Variants in CD6 observed in about 807,000 individuals in gnomAD.
The protein encoded by CD6 is T-cell differentiation antigen CD6.
Under a neutral mutation model 75.3 loss-of-function variants are expected in CD6, and 53 were observed. The observed-to-expected ratio is 0.70, with a 90% CI of 0.56 to 0.88. The LOEUF is 0.88. CD6 is among the 40% of genes least tolerant of loss of function. The pLI, the probability that CD6 is intolerant of heterozygous loss-of-function variation, is 0.00. For missense variants in CD6, 770 were observed against 897.1 expected, an observed-to-expected ratio of 0.86 and a Z score of 1.81; for synonymous variants, 359 against 381.5, an observed-to-expected ratio of 0.94 and a Z score of 0.69.
Position 61,018,365 on chromosome 11 carries a change from C to T in CD6, c.1914C>T (p.Pro638=), listed in dbSNP as rs1161870488. 4 of 1,603,182 alleles carry T rather than the reference C, an allele frequency of 2.5e-6. No homozygotes were observed. The highest frequency in any genetic ancestry group is 1.7e-4 in the Middle Eastern group (1 of 6,008). Residue 638 remains proline (P), a synonymous_variant, in exon 12 of 13, where the codon CCC becomes CCT. Coordinates refer to ENST00000313421, the MANE Select transcript of CD6 (RefSeq NM_006725.5). ...WYQNFQPPPQ[P]PSEEQFGCPG... is the part of the protein sequence containing the mutation. Reference sequence around the variant, plus strand: ...AGAACTTCCAGCCACCACCCCAGCCCCCTTCGGAGGAGCAGTTTGGCTGTC... The same window carrying T: ...AGAACTTCCAGCCACCACCCCAGCCTCCTTCGGAGGAGCAGTTTGGCTGTC...
chr11:61,006,734 C>G, intron 2 of CD6, 92 bp downstream of exon 2: 2 of 1,047,294 alleles, frequency 1.9e-6, no homozygotes, highest in Admixed American at 4.0e-5. Context: ...TTTAGGATAC[C>G]AGGGAGGCTC....
Position 61,007,666 on chromosome 11 carries a change from C to G in CD6, c.225C>G (p.Asp75Glu). ...SWEPACGALWDSRAAEAVCRA... is the reference protein window; with the variant it reads ...SWEPACGALWESRAAEAVCRA... Reference sequence around the variant, plus strand: ...AGCCCGCGTGCGGGGCGCTCTGGGACAGCCGCGCCGCCGAGGCCGTGTGCC... The same window carrying G: ...AGCCCGCGTGCGGGGCGCTCTGGGAGAGCCGCGCCGCCGAGGCCGTGTGCC... The change falls in exon 3 of 13, where the codon GAC (aspartate) becomes GAG (glutamate). Residue 75 changes from aspartate (D) to glutamate (E), a missense_variant. Coordinates refer to ENST00000313421, the MANE Select transcript of CD6 (RefSeq NM_006725.5). This position sits in a 1 kb window ranked among gnomAD's most constrained non-coding sequence, Gnocchi z 4.2. 7.0e-7 allele frequency: 1 copy of G among 1,432,112 alleles called. No homozygotes were observed. The highest frequency in any genetic ancestry group is 1.5e-5 in the South Asian group (1 of 68,194). The allele number at this position is 1,432,112 out of a possible 1,614,324, so 88.7% of individuals were successfully genotyped here.
chr11:60,990,906 G>A (rs1209301923), intron 1 of CD6, among the ~76,000 whole-genome samples: 1 of 151,828 alleles, frequency 6.6e-6, no homozygotes, highest in Admixed American at 6.6e-5. Flanking sequence ...GAATAATCCA[G>A]CCTATGATAC....
intron 3 of CD6, 27 bp from the exon 4 acceptor site, chr11:61,008,507 G>T: frequency 6.5e-7 from 1 of 1,542,974 alleles, no homozygotes. Context: ...GGGTGCCCCA[G>T]CATCCACAAC....
chr11:61,006,693 C>T, intron 2 of CD6, 51 bp downstream of exon 2: 2 of 1,446,664 alleles, frequency 1.4e-6, no homozygotes, highest in Non-Finnish European at 1.9e-6. Flanking sequence ...TGTAGGTGGT[C>T]CCCCAGGGTA....
At chr11:60,998,578 G>A (rs927892366) in intron 1 of CD6, among the ~76,000 whole-genome samples, 13 of 152,132 alleles carry the variant, frequency 8.5e-5, no homozygotes, top group Non-Finnish European at 8.8e-5. Flanking sequence ...TTGCCGAGAA[G>A]AGACACCCTG....
chr11:61,005,366 G>T (rs1858799573), intron 1 of CD6, among the ~76,000 whole-genome samples: 1 of 152,126 alleles, frequency 6.6e-6, no homozygotes. Flanking sequence ...CCTCACAGGG[G>T]GGGCCAGAGG....
Position 61,015,751 on chromosome 11 carries a change from G to A in CD6, c.1426G>A (p.Glu476Lys), listed in dbSNP as rs746469711. Residue 476 changes from glutamate (E) to lysine (K), a missense_variant, in exon 9 of 13, where the codon GAG becomes AAG. Glu to Lys is a moderately conservative substitution (Grantham distance 56, BLOSUM62 1). Transcript: ENST00000313421. Reference sequence around the variant, plus strand: ...CATCCAGGTCCAGGCCCCGCCCCCTGAGGACTCAGACTCTGGCTCGGACTC... The same window carrying A: ...CATCCAGGTCCAGGCCCCGCCCCCTAAGGACTCAGACTCTGGCTCGGACTC... Reference protein sequence around the residue: ...LPIQVQAPPPEDSDSGSDSDY... With the variant: ...LPIQVQAPPPKDSDSGSDSDY... 5.6e-6 allele frequency: 9 copies of A among 1,613,996 alleles called. No homozygotes were observed. In the African/African-American group the frequency reaches 8.0e-5, roughly 14 times the overall value.
intron 1 of CD6, among the ~76,000 whole-genome samples, chr11:60,992,571 T>C (rs550872734): frequency 6.6e-6 from 1 of 152,116 alleles, no homozygotes; most frequent in Non-Finnish European, 1.5e-5. Flanking sequence ...CTCACACCTG[T>C]AATCCCAGCA....
intron 1 of CD6, among the ~76,000 whole-genome samples, chr11:60,995,958 C>T (rs1200957166): frequency 1.3e-5 from 2 of 152,118 alleles, no homozygotes; most frequent in African/African-American, 2.4e-5. Context: ...TGGAAAGCCT[C>T]CAGGGTTGTC....
intron 1 of CD6, among the ~76,000 whole-genome samples, chr11:60,972,601 C>T (rs1857228761): frequency 6.6e-6 from 1 of 152,140 alleles, no homozygotes; most frequent in Non-Finnish European, 1.5e-5. Flanking sequence ...GTGCAGGGTC[C>T]AAGCTGGCCA....
At position 61,013,404 on chromosome 11, in the gene CD6, T is replaced by C. The variant is rs777152467; in HGVS notation, c.1151-19T>C. 2.1e-5 allele frequency: 34 copies of C among 1,613,104 alleles called. No individual in the cohort carries two copies. Among genetic ancestry groups the C allele is most frequent in the Non-Finnish European group, 2.8e-5 (33 of 1,179,398 alleles). ...GTGCCCATTCCTCTTTCTTCCTGAA[T>C]TGGAATTCTTGTTTCCAGAATCTTC... On this transcript the variant is annotated intron_variant, in intron 6 of 12. Coordinates refer to ENST00000313421, the MANE Select transcript of CD6 (RefSeq NM_006725.5).
At chr11:60,974,745 G>A (rs1466086833) in intron 1 of CD6, among the ~76,000 whole-genome samples, 3 of 152,186 alleles carry the variant, frequency 2.0e-5, no homozygotes, top group Non-Finnish European at 4.4e-5. Flanking sequence ...CCCTTGACAG[G>A]GGAGGCTGGG....
chr11:61,005,683 G>C (rs549586780), intron 1 of CD6, among the ~76,000 whole-genome samples: 2 of 152,320 alleles, frequency 1.3e-5, no homozygotes, highest in South Asian at 2.1e-4. Flanking sequence ...TGTAATCCCG[G>C]CACTTTGGGA....
chr11:61,015,974 A>C (rs988112897), intron 9 of CD6, 139 bp downstream of exon 9: 3 of 1,103,016 alleles, frequency 2.7e-6, no homozygotes, highest in Non-Finnish European at 3.8e-6. Flanking sequence ...CACTGGATTG[A>C]CTGTAAATGG....
intron 1 of CD6, among the ~76,000 whole-genome samples, chr11:60,973,697 C>T (rs184971051): frequency 1.3e-5 from 2 of 152,266 alleles, no homozygotes; most frequent in African/African-American, 4.8e-5. Flanking sequence ...GAGATGGCCT[C>T]CTAGCTCTAG....
chr11:61,007,739 C>T lies in CD6; in HGVS notation c.298C>T (p.Pro100Ser). The change falls in exon 3 of 13, where the codon CCG (proline) becomes TCG (serine). Residue 100 changes from proline to serine, a missense_variant. Transcript: ENST00000313421. The surrounding 1 kb of genome is among the most constrained non-coding windows in gnomAD (Gnocchi z 4.2). ...GAEAASQLAP[P>S]TPELPPPPAA... Reference sequence around the variant, plus strand: ...GGAGGCCGCCTCTCAGCTCGCCCCGCCGACCCCTGAGCTGCCGCCCCCGCC... The same window carrying T: ...GGAGGCCGCCTCTCAGCTCGCCCCGTCGACCCCTGAGCTGCCGCCCCCGCC... The T allele has an allele frequency of 1.4e-6, 2 of 1,423,090 alleles. No individual in the cohort carries two copies. Among genetic ancestry groups the T allele is most frequent in the Non-Finnish European group, 1.8e-6 (2 of 1,087,186 alleles). The allele number at this position is 1,423,090 out of a possible 1,614,324, so 88.2% of individuals were successfully genotyped here.
At position 61,015,770 on chromosome 11, in the gene CD6, C is replaced by T. The variant is rs763287629; in HGVS notation, c.1445C>T (p.Ser482Leu). 17 of 1,614,200 alleles carry T rather than the reference C, an allele frequency of 1.1e-5. No individual in the cohort carries two copies. The highest frequency in any genetic ancestry group is 1.7e-5 in the Admixed American group (1 of 60,016). ...APPPEDSDSG[S>L]DSDYEHYDFS... ...CCCCCTGAGGACTCAGACTCTGGCT[C>T]GGACTCAGACTATGAGCACTATGAC... The change falls in exon 9 of 13, where the codon TCG becomes TTG. Residue 482 changes from serine (S) to leucine (L), a missense_variant. Coordinates refer to ENST00000313421, the MANE Select transcript of CD6 (RefSeq NM_006725.5).
chr11:61,013,966 G>A lies in CD6; in HGVS notation c.1339G>A (p.Ala447Thr), dbSNP rs928351755. Reference protein sequence around the residue: ...NHQHLPTTIPAGSNSYQPVPI... With the variant: ...NHQHLPTTIPTGSNSYQPVPI... ...CCAGCACCTACCCACCACCATCCCG[G>A]CAGGGAGCAATAGCTATCAACCGGT... Residue 447 changes from alanine to threonine, a missense_variant, in exon 8 of 13, where the codon GCA (alanine) becomes ACA (threonine). Transcript: ENST00000313421. The A allele has an allele frequency of 6.2e-7, 1 of 1,613,818 alleles. No individual in the cohort carries two copies. The highest frequency in any genetic ancestry group is 1.1e-5 in the South Asian group (1 of 90,982).
Sources: allele counts gnomAD v4.1 joint callset (sites outside exome capture counted in the v4.1 genomes callset), GRCh38; gene constraint gnomAD v4.1.1; non-coding constraint Gnocchi (gnomAD v3.1); transcripts MANE v1.5; gene names NCBI Gene and HGNC (gene_info 2026-07-23, HGNC 2026-07-21).